The following PHF6 variants were observed in gnomAD, a reference collection of about 807,000 sequenced individuals.
PHF6 encodes PHD finger protein 6, also known as PHD-like zinc finger protein.
Under a neutral mutation model 34.0 loss-of-function variants are expected in PHF6, and 7 were observed. The ratio of observed to expected loss-of-function variants is 0.21; its 90% CI spans 0.12 to 0.39. The LOEUF (loss-of-function observed/expected upper bound fraction) is 0.39. Among genes scored for constraint, PHF6 ranks in the 10% least tolerant of loss-of-function variants. The probability of loss-of-function intolerance (pLI) is 1.00; values close to 1 mark genes in which losing one functional copy is unlikely to be tolerated. For missense variants in PHF6, 128 were observed against 262.8 expected (o/e 0.49, Z 3.55); for synonymous variants, 89 against 88.4 (o/e 1.01, Z -0.04).
intron 9 of PHF6, chrX:134,419,445 A>G (rs1256896278): frequency 8.9e-6 from 1 of 111,895 alleles, no homozygotes; most frequent in Non-Finnish European, 1.9e-5. Flanking sequence ...AGAGTAAATA[A>G]TCTTATCACC....
chrX:134,396,885 TAAAA>T (rs35795052), intron 5 of PHF6, among the ~76,000 whole-genome samples: 4 of 81,486 alleles, frequency 4.9e-5, no homozygotes, highest in Non-Finnish European at 4.8e-5. Flanking sequence ...TGTACTGCAC[TAAAA>T]AAAAAAAAAA....
chrX:134,383,613 CAT>C (rs1219517424), intron 3 of PHF6, among the ~76,000 whole-genome samples: 2 of 111,817 alleles, frequency 1.8e-5, no homozygotes, highest in Non-Finnish European at 3.8e-5. Context: ...AGACACTTAA[CAT>C]GTGCTAGGGA....
chrX:134,390,719 C>G (rs2077349539), intron 3 of PHF6, among the ~76,000 whole-genome samples: 1 of 111,280 alleles, frequency 9.0e-6, no homozygotes, highest in African/African-American at 3.3e-5. Flanking sequence ...TGAAGAAAAC[C>G]AGCCACCCAG....
chrX:134,394,571 C>T (rs1351092967), intron 5 of PHF6, among the ~76,000 whole-genome samples: 2 of 105,510 alleles, frequency 1.9e-5, no homozygotes, highest in African/African-American at 3.5e-5. Flanking sequence ...GACAGAGTCT[C>T]GCTGTGTTGC....
At chrX:134,384,354 A>G (rs1291422239) in intron 3 of PHF6, among the ~76,000 whole-genome samples, 1 of 111,795 alleles carries the variant, frequency 8.9e-6, no homozygotes, top group Non-Finnish European at 1.9e-5. Flanking sequence ...TCAGATAGGA[A>G]GGGATGGGGA....
chrX:134,399,836 T>A (rs1400470277), intron 5 of PHF6, among the ~76,000 whole-genome samples: 1 of 111,240 alleles, frequency 9.0e-6, no homozygotes, highest in Non-Finnish European at 1.9e-5. Flanking sequence ...TGGTACATGC[T>A]ATGGGTTTTG....
chrX:134,378,756 C>G (rs181022615), intron 3 of PHF6, among the ~76,000 whole-genome samples: 45 of 111,881 alleles, frequency 4.0e-4, no homozygotes, highest in Non-Finnish European at 2.3e-4. Flanking sequence ...TACTTTGAAA[C>G]GATTATTTTT....
At chrX:134,374,541 A>G (rs969518845) in intron 1 of PHF6, among the ~76,000 whole-genome samples, 1 of 112,409 alleles carries the variant, frequency 8.9e-6, no homozygotes, top group East Asian at 2.8e-4. Context: ...TTTGATTTGT[A>G]TATTTCAGCT....
chrX:134,394,869 T>C (rs1266915840), intron 5 of PHF6, among the ~76,000 whole-genome samples: 2 of 106,427 alleles, frequency 1.9e-5, no homozygotes, highest in Non-Finnish European at 3.9e-5. Context: ...TTTTCTTTTT[T>C]TTTTTTGAGA....
chrX:134,401,074 G>A (rs909663132), intron 5 of PHF6, among the ~76,000 whole-genome samples: 4 of 111,590 alleles, frequency 3.6e-5, no homozygotes, highest in African/African-American at 1.3e-4. Flanking sequence ...GTGTGACATA[G>A]GGATGTCAGA....
intron 3 of PHF6, among the ~76,000 whole-genome samples, chrX:134,384,001 C>G (rs1160203413): frequency 4.5e-5 from 5 of 112,015 alleles, no homozygotes; most frequent in Non-Finnish European, 9.4e-5. Flanking sequence ...AGGACAAAAA[C>G]CCTATACACA....
chrX:134,420,697 A>G (rs762113765), intron 9 of PHF6, among the ~76,000 whole-genome samples: 2 of 110,712 alleles, frequency 1.8e-5, no homozygotes, highest in Non-Finnish European at 3.8e-5. Flanking sequence ...GGCTCAGGTG[A>G]TCTTCCCACT....
chrX:134,399,664 C>CACACAG, intron 5 of PHF6, among the ~76,000 whole-genome samples: 1 of 108,378 alleles, frequency 9.2e-6, no homozygotes, highest in East Asian at 2.9e-4. Flanking sequence ...CACACACACA[C>CACACAG]ACACAGACAC....
chrX:134,397,532 C>T (rs2077382585), intron 5 of PHF6, among the ~76,000 whole-genome samples: 1 of 111,351 alleles, frequency 9.0e-6, no homozygotes, highest in Non-Finnish European at 1.9e-5. Flanking sequence ...ATCTGTAATC[C>T]CAGCTACTCA....
At position 134,425,347 on chromosome X, in the gene PHF6, T is replaced by C. The variant is rs754983857; in HGVS notation, c.*17T>C. On this transcript the variant is annotated intron_variant, in intron 10 of 10. Coordinates refer to ENST00000370803, the MANE Select transcript of PHF6 (RefSeq NM_001015877.2). ...GGAAACTAGGTATGAAAGTTAATTA[T>C]ATGGGATCTGTTGTCAGGATACAAT... The C allele has an allele frequency of 2.5e-6, 3 of 1,206,245 alleles. No individual in the cohort carries two copies. In the East Asian group the frequency reaches 8.9e-5, roughly 36 times the overall value.
At chrX:134,380,913 C>T (rs894251627) in intron 3 of PHF6, among the ~76,000 whole-genome samples, 4 of 111,816 alleles carry the variant, frequency 3.6e-5, no homozygotes, top group East Asian at 5.6e-4. Context: ...TGCAGTGGTG[C>T]GATCTCGGCT....
At chrX:134,386,917 A>G (rs2077334418) in intron 3 of PHF6, among the ~76,000 whole-genome samples, 1 of 111,920 alleles carries the variant, frequency 8.9e-6, no homozygotes, top group African/African-American at 3.2e-5. Context: ...TTTTTTGTAA[A>G]TAAAACAAAG....
intron 5 of PHF6, among the ~76,000 whole-genome samples, chrX:134,412,821 G>T (rs760756392): frequency 1.8e-5 from 2 of 112,094 alleles, no homozygotes; most frequent in South Asian, 3.6e-4. Context: ...TTTACTGCTT[G>T]TATTAGAAAT....
chrX:134,397,522 A>G (rs2077382523), intron 5 of PHF6, among the ~76,000 whole-genome samples: 1 of 111,453 alleles, frequency 9.0e-6, no homozygotes, highest in Non-Finnish European at 1.9e-5. Flanking sequence ...GGTGGCACAC[A>G]TCTGTAATCC....
Sources: allele counts gnomAD v4.1 joint callset (sites outside exome capture counted in the v4.1 genomes callset), GRCh38; gene constraint gnomAD v4.1.1; transcripts MANE v1.5; gene names NCBI Gene and HGNC (gene_info 2026-07-23, HGNC 2026-07-21).